VPS13D: variants seen among roughly 807,000 people sequenced by gnomAD.
VPS13D encodes vacuolar protein sorting 13 homolog D.
A neutral mutation model predicts 461.9 loss-of-function variants in VPS13D; 187 were observed. The ratio of observed to expected loss-of-function variants is 0.40; its 90% CI spans 0.36 to 0.46. VPS13D has a LOEUF of 0.46. Ranked by LOEUF, VPS13D falls within the 20% of genes least tolerant of loss-of-function variation. The pLI is 0.60. For synonymous variants in VPS13D, 1,951 were observed against 1,986.3 expected (o/e 0.98, Z 0.47); for missense variants, 4,711 against 5,364.9 (o/e 0.88, Z 3.81).
chr1:12,380,446 C>A (rs561862930), intron 57 of VPS13D, among the ~76,000 whole-genome samples: 1 of 151,984 alleles, frequency 6.6e-6, no homozygotes, highest in Non-Finnish European at 1.5e-5. Context: ...TAGCAAATGT[C>A]AGAATGAAGA....
chr1:12,251,699 T>C (rs1325879045), intron 6 of VPS13D, among the ~76,000 whole-genome samples: 2 of 152,176 alleles, frequency 1.3e-5, no homozygotes, highest in Non-Finnish European at 2.9e-5. Flanking sequence ...CTTTACACTG[T>C]CACCAGACTT....
intron 63 of VPS13D, among the ~76,000 whole-genome samples, chr1:12,412,111 C>T (rs866958480): frequency 1.3e-5 from 2 of 152,188 alleles, no homozygotes; most frequent in Middle Eastern, 3.4e-3. Flanking sequence ...CAACCAAAGA[C>T]GTATAAGACC....
intron 65 of VPS13D, among the ~76,000 whole-genome samples, chr1:12,439,427 A>G (rs1645102461): frequency 6.6e-6 from 1 of 151,726 alleles, no homozygotes; most frequent in South Asian, 2.1e-4. Context: ...CCTTCCTGAC[A>G]TCCCCTCCCC....
chr1:12,319,665 G>C lies in VPS13D; in HGVS notation c.7548+35G>C, dbSNP rs377498359. 8.1e-6 allele frequency: 13 copies of C among 1,613,182 alleles called. No individual in the cohort carries two copies. In the African/African-American group the frequency reaches 1.7e-4, roughly 22 times the overall value. On this transcript the variant is annotated intron_variant, in intron 32 of 69. Coordinates refer to ENST00000620676, the MANE Select transcript of VPS13D (RefSeq NM_015378.4). The stretch of plus-strand genomic sequence containing the variant: ...CTATGTGTTGATCACAGCACTGCGT[G>C]TTGGCTCACGAGCAAAGCATCTGGA...
intron 65 of VPS13D, among the ~76,000 whole-genome samples, chr1:12,423,477 GA>G (rs1183322466): frequency 1.3e-5 from 2 of 152,226 alleles, no homozygotes; most frequent in African/African-American, 4.8e-5. Context: ...AAAACTGTCT[GA>G]AGATAAATAT....
At chr1:12,327,545 TC>T (rs2101544980) in intron 35 of VPS13D, 102 bp from the exon 36 acceptor site, 1 of 954,474 alleles carries the variant, frequency 1.0e-6, no homozygotes, top group Non-Finnish European at 1.5e-6. Flanking sequence ...TCTCTTGGCT[TC>T]CCAGTAGGTC....
chr1:12,493,045 C>T (rs1257194964), intron 67 of VPS13D, among the ~76,000 whole-genome samples: 2 of 149,566 alleles, frequency 1.3e-5, no homozygotes, highest in African/African-American at 2.5e-5. Flanking sequence ...AGAAGACCAA[C>T]TTGTGGTCCA....
intron 36 of VPS13D, 78 bp downstream of exon 36, chr1:12,327,932 T>G (rs1282803900): frequency 3.0e-6 from 4 of 1,342,100 alleles, no homozygotes; most frequent in African/African-American, 1.5e-5. Context: ...TTTTTTTTTT[T>G]GTCATTCATA....
At chr1:12,272,392 G>GGTGTGTGTGTGTGTGT (rs60615824) in intron 17 of VPS13D, among the ~76,000 whole-genome samples, 90 of 143,118 alleles carry the variant, frequency 6.3e-4, no homozygotes, top group African/African-American at 2.0e-3. Context: ...TTTTTGTTTT[G>GGTGTGTGTGTGTGTGT]GTGTGTGTGT....
intron 65 of VPS13D, among the ~76,000 whole-genome samples, chr1:12,421,379 T>C (rs961148818): frequency 6.6e-6 from 1 of 152,340 alleles, no homozygotes. Flanking sequence ...TCCAAACCCA[T>C]GTCAGAGGAG....
At position 12,465,527 on chromosome 1, in the gene VPS13D, T is replaced by C. The variant is rs373284993; in HGVS notation, c.12662+5131T>C. Among the ~76,000 whole-genome samples, 29 of 152,342 alleles carry C rather than the reference T, an allele frequency of 1.9e-4. 1 individual carries two copies. The South Asian group carries it at 5.4e-3, about 28-fold the overall frequency. On this transcript the variant is annotated intron_variant, in intron 67 of 69. Coordinates refer to ENST00000620676, the MANE Select transcript of VPS13D (RefSeq NM_015378.4). Reference sequence around the variant, plus strand: ...TTCTGGAATCCCGGGACCCTCGGATTGTGCACGTAGATGTAAATTCCATTT... The same window carrying C: ...TTCTGGAATCCCGGGACCCTCGGATCGTGCACGTAGATGTAAATTCCATTT...
intron 65 of VPS13D, among the ~76,000 whole-genome samples, chr1:12,442,261 TAATC>T (rs1170316527): frequency 6.6e-6 from 1 of 152,238 alleles, no homozygotes; most frequent in Non-Finnish European, 1.5e-5. Flanking sequence ...TTTCAATATG[TAATC>T]AATATGTAAA....
In VPS13D at chr1:12,329,113, T is replaced by C. The variant is rs149116374; in HGVS notation, c.8198-716T>C. Among the ~76,000 whole-genome samples the C allele has an allele frequency of 1.9e-3, 283 of 152,356 alleles. 5 individuals are homozygous for C. The highest frequency in any genetic ancestry group is 6.0e-3 in the African/African-American group (250 of 41,584). On this transcript the variant is annotated intron_variant, in intron 36 of 69. Transcript: ENST00000620676. ...CTAATTAGTTGATTTCTTATTTTTCTATGTCAATCTTAACATTTTGAGCTA... is the reference window on the plus strand; with the variant it reads ...CTAATTAGTTGATTTCTTATTTTTCCATGTCAATCTTAACATTTTGAGCTA...
chr1:12,475,642 T>C (rs1471660444), intron 67 of VPS13D, among the ~76,000 whole-genome samples: 1 of 152,092 alleles, frequency 6.6e-6, no homozygotes, highest in Non-Finnish European at 1.5e-5. Flanking sequence ...AGGGATTGAG[T>C]CTGTAGCCAA....
At chr1:12,429,628 C>G (rs538281340) in intron 65 of VPS13D, among the ~76,000 whole-genome samples, 1 of 152,344 alleles carries the variant, frequency 6.6e-6, no homozygotes, top group East Asian at 1.9e-4. Context: ...ACAAGTTTCC[C>G]CCCAAACATA....
chr1:12,303,159 T>G (rs1044246251), intron 25 of VPS13D, among the ~76,000 whole-genome samples: 1 of 152,230 alleles, frequency 6.6e-6, no homozygotes, highest in Non-Finnish European at 1.5e-5. Flanking sequence ...TGCATTCCAG[T>G]GGTTAAAGAA....
At chr1:12,427,312 G>A (rs374096930) in intron 65 of VPS13D, among the ~76,000 whole-genome samples, 2 of 148,922 alleles carry the variant, frequency 1.3e-5, no homozygotes, top group South Asian at 4.2e-4. Context: ...ATGAAGAAAC[G>A]GAGACCCAGT....
At position 12,241,310 on chromosome 1, in the gene VPS13D, G is replaced by GT. The variant is rs953530387; in HGVS notation, c.98-1197dup. Among the ~76,000 whole-genome samples the GT allele has an allele frequency of 4.3e-4, 65 of 152,230 alleles. 1 individual carries two copies. The highest frequency in any genetic ancestry group is 1.5e-3 in the African/African-American group (61 of 41,544). ...ATCATTTAAAGGGAAACATAATCATGTTTTTTGCATTATTTTGTACTTGGA... is the reference window on the plus strand; with the variant it reads ...ATCATTTAAAGGGAAACATAATCATGTTTTTTTGCATTATTTTGTACTTGGA... On this transcript the variant is annotated intron_variant, in intron 2 of 69. Coordinates refer to ENST00000620676, the MANE Select transcript of VPS13D (RefSeq NM_015378.4).
chr1:12,341,924 C>T, intron 41 of VPS13D, 39 bp downstream of exon 41: 1 of 1,599,826 alleles, frequency 6.3e-7, no homozygotes, highest in South Asian at 1.1e-5. Flanking sequence ...TCATCTCTGC[C>T]ACCAAAGCCT....
Sources: gnomAD v4.1 joint callset for allele counts (sites outside exome capture counted in the v4.1 genomes callset) on GRCh38, gnomAD v4.1.1 for gene constraint, MANE v1.5 for transcripts, NCBI Gene and HGNC (gene_info 2026-07-23, HGNC 2026-07-21) for gene names.